CNBD1: variants seen among roughly 807,000 people sequenced by gnomAD.
CNBD1 encodes the protein cyclic nucleotide binding domain containing 1.
Under a neutral mutation model 54.4 loss-of-function variants are expected in CNBD1, and 71 were observed. The ratio of observed to expected loss-of-function variants is 1.30; its 90% CI spans 1.08 to 1.59. The LOEUF (loss-of-function observed/expected upper bound fraction) is 1.59. CNBD1 is among the 40% of genes most tolerant of loss of function. CNBD1 has a pLI of 0.00. For synonymous variants in CNBD1, 182 were observed against 170.7 expected (o/e 1.07, Z -0.51); for missense variants, 659 against 518.0 (o/e 1.27, Z -2.64).
intron 10 of CNBD1, among the ~76,000 whole-genome samples, chr8:87,379,384 G>A (rs906280282): frequency 6.6e-6 from 1 of 151,862 alleles, no homozygotes; most frequent in South Asian, 2.1e-4. Context: ...AGCGGACCTA[G>A]TAGACATCTA....
At chr8:87,360,334 G>C (rs1341713578) in intron 10 of CNBD1, among the ~76,000 whole-genome samples, 1 of 151,802 alleles carries the variant, frequency 6.6e-6, no homozygotes, top group Non-Finnish European at 1.5e-5. Flanking sequence ...GTTCCTTTTG[G>C]TGGTTAACTT....
chr8:87,187,619 A>G (rs1178152308), intron 4 of CNBD1, among the ~76,000 whole-genome samples: 1 of 152,140 alleles, frequency 6.6e-6, no homozygotes, highest in Non-Finnish European at 1.5e-5. Context: ...TCAAGTCATC[A>G]TTGTTTGTAA....
At chr8:87,386,726 G>A (rs1191098229), downstream of CNBD1, among the ~76,000 whole-genome samples, 3 of 152,152 alleles carry the variant, frequency 2.0e-5, no homozygotes, top group African/African-American at 4.8e-5. Flanking sequence ...AGCAAGGCAG[G>A]CCAACATTCA....
Position 87,378,347 on chromosome 8 carries a change from G to T in CNBD1, c.1304-4273G>T, listed in dbSNP as rs1361518228. On this transcript the variant is annotated intron_variant, in intron 10 of 10. Transcript: ENST00000518476. ...ATTTTTGTATAAGGTGTAAGGAAGG[G>T]ATCCAGTTTCAGCTTTCTACATATG... Among the ~76,000 whole-genome samples, 2 of 148,156 alleles carry T rather than the reference G, an allele frequency of 1.3e-5. 1 individual carries two copies. Among genetic ancestry groups the T allele is most frequent in the Admixed American group, 1.3e-4 (2 of 14,864 alleles).
intron 4 of CNBD1, among the ~76,000 whole-genome samples, chr8:87,004,786 G>C (rs1388750664): frequency 6.6e-6 from 1 of 152,070 alleles, no homozygotes; most frequent in Non-Finnish European, 1.5e-5. Context: ...ATAATGAATT[G>C]TCTTACATGT....
chr8:87,286,383 G>C (rs1298753335), intron 7 of CNBD1, among the ~76,000 whole-genome samples, 156 bp from the exon 8 acceptor site: 1 of 152,034 alleles, frequency 6.6e-6, no homozygotes, highest in African/African-American at 2.4e-5. Flanking sequence ...TGTCTATGTG[G>C]CCATAGAGTG....
chr8:87,193,583 A>G (rs1813655231), intron 4 of CNBD1, among the ~76,000 whole-genome samples: 1 of 152,218 alleles, frequency 6.6e-6, no homozygotes, highest in South Asian at 2.1e-4. Flanking sequence ...AATAATCAGC[A>G]TCTCTGAAAT....
intron 10 of CNBD1, among the ~76,000 whole-genome samples, chr8:87,362,995 C>T (rs1563569972): frequency 6.6e-6 from 1 of 151,968 alleles, no homozygotes; most frequent in Non-Finnish European, 1.5e-5. Context: ...CTAATGCTAT[C>T]CCTCCTCTAG....
intron 5 of CNBD1, among the ~76,000 whole-genome samples, chr8:87,230,967 TA>T (rs1814676048): frequency 6.6e-6 from 1 of 152,182 alleles, no homozygotes; most frequent in Non-Finnish European, 1.5e-5. Flanking sequence ...TATAAGTATT[TA>T]AAAAGAGACT....
At chr8:86,980,699 C>T (rs1808467726) in intron 4 of CNBD1, among the ~76,000 whole-genome samples, 1 of 152,150 alleles carries the variant, frequency 6.6e-6, no homozygotes, top group Admixed American at 6.5e-5. Context: ...GCAAAAATCT[C>T]AGGATGTAGA....
rs114643388 is a variant in CNBD1 at position 87,068,123 on chromosome 8, T to G, written c.431+128369T>G. ...TTGCTTTTTTAATTGCAACTGTGAT[T>G]TTGACCTCCAATATAAAGCAAGCAT... On this transcript the variant is annotated intron_variant, in intron 4 of 10. Transcript: ENST00000518476. Among the ~76,000 whole-genome samples the G allele has an allele frequency of 5.3e-3, 801 of 152,104 alleles. 14 individuals are homozygous for G. The highest frequency in any genetic ancestry group is 0.019 in the African/African-American group (770 of 41,542).
At chr8:86,988,925 A>T (rs1170640842) in intron 4 of CNBD1, among the ~76,000 whole-genome samples, 2 of 151,872 alleles carry the variant, frequency 1.3e-5, no homozygotes, top group Non-Finnish European at 2.9e-5. Context: ...TTTTTTGTTG[A>T]TGGATAATTA....
chr8:87,328,084 G>T (rs908199806), intron 8 of CNBD1, among the ~76,000 whole-genome samples: 1 of 151,888 alleles, frequency 6.6e-6, no homozygotes, highest in Non-Finnish European at 1.5e-5. Context: ...CCGTCATCTA[G>T]GTTTTAAGAC....
chr8:86,903,522 T>G (rs1184713076), intron 2 of CNBD1, among the ~76,000 whole-genome samples: 1 of 151,974 alleles, frequency 6.6e-6, no homozygotes, highest in Non-Finnish European at 1.5e-5. Flanking sequence ...CTTAGAAGAG[T>G]GCCTGGCACA....
intron 4 of CNBD1, among the ~76,000 whole-genome samples, chr8:87,070,471 A>G (rs1160548537): frequency 1.3e-5 from 2 of 152,120 alleles, no homozygotes; most frequent in Admixed American, 6.6e-5. Context: ...GCCTGTTACT[A>G]CTCAAAAATA....
At chr8:87,331,439 C>T (rs1809829263) in intron 8 of CNBD1, among the ~76,000 whole-genome samples, 1 of 152,274 alleles carries the variant, frequency 6.6e-6, no homozygotes, top group East Asian at 1.9e-4. Context: ...ATACATACCG[C>T]ATTTTCTTTA....
intron 4 of CNBD1, among the ~76,000 whole-genome samples, chr8:87,113,823 G>A (rs957264742): frequency 2.0e-5 from 3 of 151,962 alleles, no homozygotes; most frequent in African/African-American, 7.3e-5. Context: ...GGAGGCTGAG[G>A]CAGGAGAATG....
intron 4 of CNBD1, among the ~76,000 whole-genome samples, chr8:87,063,548 T>A (rs1401004124): frequency 6.6e-6 from 1 of 152,282 alleles, no homozygotes; most frequent in East Asian, 1.9e-4. Flanking sequence ...AGGCTTGATA[T>A]CTGATAATAT....
chr8:87,395,641 G>A (rs1563585917), intron 2 of CNBD1, among the ~76,000 whole-genome samples: 2 of 151,862 alleles, frequency 1.3e-5, no homozygotes, highest in South Asian at 4.1e-4. Flanking sequence ...CAGTAGAGGG[G>A]GTGGTATCAC....
Sources: allele counts gnomAD v4.1 joint callset (sites outside exome capture counted in the v4.1 genomes callset), GRCh38; gene constraint gnomAD v4.1.1; transcripts MANE v1.5; gene names NCBI Gene and HGNC (gene_info 2026-07-23, HGNC 2026-07-21).